Variants in AFM observed in about 807,000 individuals in gnomAD.
AFM encodes afamin.
In AFM, 82 loss-of-function variants were observed where a neutral mutation model predicts 68.7. The observed-to-expected ratio is 1.19, with a 90% confidence interval of 1.00 to 1.43. AFM has a LOEUF of 1.43. Ranked by LOEUF, AFM falls within the 40% of genes most tolerant of loss-of-function variation. AFM has a pLI of 0.00. For synonymous variants in AFM, 250 were observed against 234.2 expected (o/e 1.07, Z -0.61); for missense variants, 772 against 701.8 (o/e 1.10, Z -1.13).
chr4:73,499,156 T>C lies in AFM; in HGVS notation c.1332T>C (p.Thr444=), dbSNP rs1287055860. Residue 444 remains threonine (T), a synonymous_variant, in exon 11 of 15, where the codon ACT becomes ACC. Transcript: ENST00000226355. ...RLTKIAPQLS[T]EELVSLGEKM... is the part of the protein sequence containing the mutation. Reference sequence around the variant, plus strand: ...CGAAGATAGCTCCCCAACTCTCCACTGAAGAACTGGTGTCTCTTGGCGAGA... The same window carrying C: ...CGAAGATAGCTCCCCAACTCTCCACCGAAGAACTGGTGTCTCTTGGCGAGA... 12 of 1,613,354 alleles carry C rather than the reference T, an allele frequency of 7.4e-6. No homozygotes were observed. Among genetic ancestry groups the C allele is most frequent in the Non-Finnish European group, 6.8e-6 (8 of 1,179,664 alleles).
Position 73,492,007 on chromosome 4 carries a change from T to C in AFM, c.979T>C (p.Ser327Pro). The C allele has an allele frequency of 6.2e-7, 1 of 1,613,730 alleles. No individual in the cohort carries two copies. ...SNKDDRPKDL[S>P]LREGKFTDSE... ...CAAAGATGATAGACCAAAGGATTTA[T>C]CTCTAAGAGAAGGAAAATTTACTGA... The change falls in exon 8 of 15, where the codon TCT (serine) becomes CCT (proline). Residue 327 changes from serine (S) to proline (P), a missense_variant. Physicochemically the swap from Ser to Pro is moderately conservative, Grantham distance 74. Coordinates refer to ENST00000226355, the MANE Select transcript of AFM (RefSeq NM_001133.2).
At chr4:73,485,749 A>G in intron 3 of AFM, 113 bp from the exon 4 acceptor site, 2 of 771,278 alleles carry the variant, frequency 2.6e-6, no homozygotes, top group South Asian at 1.8e-5. Flanking sequence ...TAGGAGAAAG[A>G]GAAGGAGCTC....
Position 73,503,149 on chromosome 4 carries a change from G to C in AFM, c.*40+39G>C. On this transcript the variant is annotated intron_variant, in intron 14 of 14. Transcript: ENST00000226355. ...CCTCATTCAAATGTCAAATGTATTT[G>C]TGGCTTATCTGATCTCCTTGCCTTT... The C allele has an allele frequency of 2.0e-6, 3 of 1,468,334 alleles. No individual in the cohort carries two copies. The South Asian group carries it at 3.5e-5, about 17-fold the overall frequency. The allele number at this position is 1,468,334 out of a possible 1,614,324, so 91.0% of individuals were successfully genotyped here. A position where few individuals can be genotyped will look rare whatever the true frequency, so the allele number is the denominator to read the frequency against.
intron 8 of AFM, among the ~76,000 whole-genome samples, chr4:73,493,914 C>T (rs1430217022): frequency 6.6e-6 from 1 of 152,092 alleles, no homozygotes; most frequent in Non-Finnish European, 1.5e-5. Flanking sequence ...GATAGAGTAA[C>T]AGTGAGCACA....
In AFM at chr4:73,500,140, T is replaced by C. The variant is rs1243653876; in HGVS notation, c.1559T>C (p.Val520Ala). The C allele has an allele frequency of 1.2e-6, 2 of 1,613,882 alleles. No homozygotes were observed. The highest frequency in any genetic ancestry group is 3.3e-5 in the Admixed American group (2 of 59,938). The change falls in exon 12 of 15, where the codon GTG becomes GCG. Residue 520 changes from valine (V) to alanine (A), a missense_variant. Val to Ala is a moderately conservative substitution (Grantham distance 64, BLOSUM62 0). Coordinates refer to ENST00000226355, the MANE Select transcript of AFM (RefSeq NM_001133.2). ...AGTTTGAAAGCTGATAAAACATATGTGCCTCCACCTTTCTCTCAAGATTTA... is the reference window on the plus strand; with the variant it reads ...AGTTTGAAAGCTGATAAAACATATGCGCCTCCACCTTTCTCTCAAGATTTA... ...FESLKADKTY[V>A]PPPFSQDLFT...
chr4:73,488,903 T>C, intron 7 of AFM, 144 bp downstream of exon 7: 1 of 816,392 alleles, frequency 1.2e-6, no homozygotes, highest in East Asian at 2.9e-5. Flanking sequence ...TAAAATGAAA[T>C]ATAAACATTT....
At chr4:73,487,936 G>T in intron 6 of AFM, 115 bp downstream of exon 6, 1 of 696,262 alleles carries the variant, frequency 1.4e-6, no homozygotes, top group Non-Finnish European at 2.4e-6. Flanking sequence ...AGGGGCTTTG[G>T]GGTGAGTCTG....
rs1245090605 is a variant in AFM at position 73,492,032 on chromosome 4, A to G, written c.1004A>G (p.Asp335Gly). 6.2e-7 allele frequency: 1 copy of G among 1,613,472 alleles called. No homozygotes were observed. The highest frequency in any genetic ancestry group is 1.1e-5 in the South Asian group (1 of 90,858). The change falls in exon 8 of 15, where the codon GAC becomes GGC. Residue 335 changes from aspartate to glycine, a missense_variant. Transcript: ENST00000226355. ...TCTCTAAGAGAAGGAAAATTTACTG[A>G]CAGTGAAAATGTGTGTCAAGAACGA... ...DLSLREGKFT[D>G]SENVCQERDA...
intron 10 of AFM, among the ~76,000 whole-genome samples, chr4:73,498,171 C>T (rs745378364): frequency 6.6e-6 from 1 of 152,026 alleles, no homozygotes; most frequent in Admixed American, 6.6e-5. Flanking sequence ...GTGTTTAACA[C>T]TTTAATATTT....
chr4:73,488,191 T>C (rs1257799185), intron 6 of AFM, among the ~76,000 whole-genome samples: 1 of 152,220 alleles, frequency 6.6e-6, no homozygotes, highest in African/African-American at 2.4e-5. Context: ...CTTGCAAAGA[T>C]AAATTTTATC....
At chr4:73,497,142 T>C (rs1460862723) in intron 9 of AFM, among the ~76,000 whole-genome samples, 3 of 152,176 alleles carry the variant, frequency 2.0e-5, no homozygotes, top group Admixed American at 2.0e-4. Context: ...TGAGAGATAG[T>C]CCATCAAATA....
chr4:73,488,850 C>T, intron 7 of AFM, 91 bp downstream of exon 7: 2 of 1,226,812 alleles, frequency 1.6e-6, no homozygotes, highest in South Asian at 1.4e-5. Flanking sequence ...GGTTACTTTG[C>T]CACAATGAAA....
At chr4:73,484,108 T>C (rs1720787923) in intron 2 of AFM, 119 bp downstream of exon 2, 2 of 1,370,570 alleles carry the variant, frequency 1.5e-6, no homozygotes, top group African/African-American at 3.0e-5. Context: ...ACAACTTTAA[T>C]TATAAAATTC....
chr4:73,493,331 A>G (rs1343448609), intron 8 of AFM, among the ~76,000 whole-genome samples: 1 of 152,228 alleles, frequency 6.6e-6, no homozygotes, highest in Non-Finnish European at 1.5e-5. Flanking sequence ...TGGGGCTTGG[A>G]TAACTGGGTG....
Position 73,484,372 on chromosome 4 carries a change from A to C in AFM, c.252A>C (p.Pro84=), listed in dbSNP as rs749493773. The change falls in exon 3 of 15, where the codon CCA becomes CCC. Residue 84 remains proline (P), a synonymous_variant. Transcript: ENST00000226355. The part of the protein sequence containing the change: ...KDRCMADKTL[P]ECSKLPNNVL... ...GATGTATGGCTGACAAGACGCTCCCAGAGTGTTCAAAATTACCTGTAAGTA... is the reference window on the plus strand; with the variant it reads ...GATGTATGGCTGACAAGACGCTCCCCGAGTGTTCAAAATTACCTGTAAGTA... The C allele has an allele frequency of 1.9e-6, 3 of 1,593,730 alleles. No individual in the cohort carries two copies. The highest frequency in any genetic ancestry group is 2.6e-6 in the Non-Finnish European group (3 of 1,172,504).
In AFM at chr4:73,500,226, A is replaced by G; in HGVS notation, c.1645A>G (p.Arg549Gly). The G allele has an allele frequency of 6.2e-7, 1 of 1,605,652 alleles. No homozygotes were observed. The highest frequency in any genetic ancestry group is 8.5e-7 in the Non-Finnish European group (1 of 1,174,692). Residue 549 changes from arginine (R) to glycine (G), a missense_variant and splice_region_variant, in exon 12 of 15, where the codon AGG becomes GGG. Coordinates refer to ENST00000226355, the MANE Select transcript of AFM (RefSeq NM_001133.2). ...QNEELQRKTDRFLVNLVKLKH... is the reference protein window; with the variant it reads ...QNEELQRKTDGFLVNLVKLKH... ...TGAGGAGCTTCAGAGGAAGACAGAC[A>G]GGTACAAATAATCTCTTCCATTCTT...
At chr4:73,495,458 A>G in intron 9 of AFM, 26 bp downstream of exon 9, 1 of 1,593,084 alleles carries the variant, frequency 6.3e-7, no homozygotes, top group Non-Finnish European at 8.5e-7. Flanking sequence ...GTAGGTTCAG[A>G]AAATCAAAAA....
At chr4:73,500,811 T>G (rs1222590351) in intron 12 of AFM, among the ~76,000 whole-genome samples, 1 of 152,222 alleles carries the variant, frequency 6.6e-6, no homozygotes, top group East Asian at 1.9e-4. Context: ...TATGTTTTCA[T>G]TTTTAAATAG....
Position 73,500,342 on chromosome 4 carries a change from A to G in AFM, c.1646+115A>G, listed in dbSNP as rs897387893. On this transcript the variant is annotated intron_variant, in intron 12 of 14. Coordinates refer to ENST00000226355, the MANE Select transcript of AFM (RefSeq NM_001133.2). ...TTGATATCACAATCCTGTTCCTTCC[A>G]CCAAATTGTCCAGTCTCTTCTATAT... is the stretch of plus-strand genomic sequence containing the variant. 1.9e-5 allele frequency: 18 copies of G among 942,780 alleles called. No individual in the cohort carries two copies. The East Asian group carries it at 4.2e-4, about 22-fold the overall frequency. 58.4% of individuals were successfully genotyped at this position (942,780 alleles called of 1,614,324 possible).
Sources: allele counts gnomAD v4.1 joint callset (sites outside exome capture counted in the v4.1 genomes callset), GRCh38; gene constraint gnomAD v4.1.1; transcripts MANE v1.5; gene names NCBI Gene and HGNC (gene_info 2026-07-23, HGNC 2026-07-21).